The following ZYX variants were observed in gnomAD, a reference collection of about 807,000 sequenced individuals.
ZYX encodes the protein zyxin.
Under a neutral mutation model 58.1 loss-of-function variants are expected in ZYX, and 37 were observed. The observed-to-expected ratio is 0.64, with a 90% CI of 0.49 to 0.84. The LOEUF is 0.84. Among genes scored for constraint, ZYX ranks in the 40% least tolerant of loss-of-function variants. ZYX has a pLI of 0.00. For missense variants in ZYX, 762 were observed against 761.6 expected (o/e 1.00, Z -0.01); for synonymous variants, 324 against 321.1 (o/e 1.01, Z -0.10).
chr7:143,388,618 A>T lies in ZYX; in HGVS notation c.1274A>T (p.Tyr425Phe), dbSNP rs1464744146. 1 of 1,613,332 alleles carries T rather than the reference A, an allele frequency of 6.2e-7. No individual in the cohort carries two copies. The change falls in exon 7 of 10, where the codon TAC (tyrosine) becomes TTC (phenylalanine). Residue 425 changes from tyrosine to phenylalanine, a missense_variant. Coordinates refer to ENST00000322764, the MANE Select transcript of ZYX (RefSeq NM_003461.5). The surrounding 1 kb of genome is among the most constrained non-coding windows in gnomAD (Gnocchi z 7.5). Reference sequence around the variant, plus strand: ...CAGCAGCTCCAGGGCCAGCAGTTCTACAGTCTGGAGGGGGCGCCGTACTGC... The same window carrying T: ...CAGCAGCTCCAGGGCCAGCAGTTCTTCAGTCTGGAGGGGGCGCCGTACTGC... ...CAQQLQGQQF[Y>F]SLEGAPYCEG...
rs1469200729 is a variant in ZYX, at chr7:143,384,591, TG to T, written c.1023+1272del. On this transcript the variant is annotated intron_variant, in intron 5 of 9. Coordinates refer to ENST00000322764, the MANE Select transcript of ZYX (RefSeq NM_003461.5). The surrounding 1 kb of genome is among the most constrained non-coding windows in gnomAD (Gnocchi z 4.9). ...ATGTGTATTCGAGGGAGGTCAGTGA[TG>T]GGTGTGAATTCACTCTTGGGCAATA... is the stretch of plus-strand genomic sequence containing the variant. 6.6e-6 allele frequency among the ~76,000 whole-genome samples: 1 copy of T among 152,080 alleles called. No homozygotes were observed. Among genetic ancestry groups the T allele is most frequent in the Non-Finnish European group, 1.5e-5 (1 of 68,024 alleles).
At position 143,390,624 on chromosome 7, in the gene ZYX, T is replaced by A. The variant is rs1196092871; in HGVS notation, c.1661T>A (p.Phe554Tyr). 6.3e-7 allele frequency: 1 copy of A among 1,586,064 alleles called. No homozygotes were observed. Among genetic ancestry groups the A allele is most frequent in the Non-Finnish European group, 8.6e-7 (1 of 1,166,100 alleles). ...LSIEADDNGC[F>Y]PLDGHVLCRK... ...ATTGAGGCAGATGACAATGGCTGCT[T>A]CCCCCTGGACGGTCACGTGCTCTGT... The change falls in exon 10 of 10, where the codon TTC becomes TAC. Residue 554 changes from phenylalanine to tyrosine, a missense_variant. Physicochemically the swap from Phe to Tyr is conservative, Grantham distance 22 (BLOSUM62 3). Coordinates refer to ENST00000322764, the MANE Select transcript of ZYX (RefSeq NM_003461.5). This position sits in a 1 kb window ranked among gnomAD's most constrained non-coding sequence, Gnocchi z 4.3.
At position 143,387,630 on chromosome 7, in the gene ZYX, C is replaced by G. The variant is rs1225047093; in HGVS notation, c.1024-589C>G. Reference sequence around the variant, plus strand: ...TTCTCTGAGGCTGCTGGGGAGGGACCTGAGTGAGGTAGTTCAGAGGCCCCT... The same window carrying G: ...TTCTCTGAGGCTGCTGGGGAGGGACGTGAGTGAGGTAGTTCAGAGGCCCCT... On this transcript the variant is annotated intron_variant, in intron 5 of 9. Transcript: ENST00000322764. This position sits in a 1 kb window ranked among gnomAD's most constrained non-coding sequence, Gnocchi z 5.8. 2 of 459,198 alleles carry G rather than the reference C, an allele frequency of 4.4e-6. No individual in the cohort carries two copies. Among genetic ancestry groups the G allele is most frequent in the Non-Finnish European group, 9.1e-6 (2 of 219,808 alleles). The allele number at this position is 459,198 out of a possible 1,614,324, so 28.4% of individuals were successfully genotyped here.
Position 143,382,668 on chromosome 7 carries a change from G to A in ZYX, c.484G>A (p.Asp162Asn), listed in dbSNP as rs777343615. Residue 162 changes from aspartate (D) to asparagine (N), a missense_variant, in exon 4 of 10, where the codon GAT (aspartate) becomes AAT (asparagine). Physicochemically the swap from Asp to Asn is conservative, Grantham distance 23. Transcript: ENST00000322764. ...ACTGCTGGATGACATGACCAAGAATGATCCTTTCAAAGCCCGGGTAAGGGA... is the reference window on the plus strand; with the variant it reads ...ACTGCTGGATGACATGACCAAGAATAATCCTTTCAAAGCCCGGGTAAGGGA... ...SSLLDDMTKN[D>N]PFKARVSSGY... 6.2e-7 allele frequency: 1 copy of A among 1,614,120 alleles called. No homozygotes were observed. Among genetic ancestry groups the A allele is most frequent in the African/African-American group, 1.3e-5 (1 of 75,010 alleles).
rs890116209 is a variant in ZYX at position 143,388,373 on chromosome 7, C to T, written c.1144+34C>T. 1.2e-6 allele frequency: 2 copies of T among 1,612,224 alleles called. No homozygotes were observed. Among genetic ancestry groups the T allele is most frequent in the Admixed American group, 3.3e-5 (2 of 59,862 alleles). On this transcript the variant is annotated intron_variant, in intron 6 of 9. Coordinates refer to ENST00000322764, the MANE Select transcript of ZYX (RefSeq NM_003461.5). This position sits in a 1 kb window ranked among gnomAD's most constrained non-coding sequence, Gnocchi z 7.5. ...ACCCCACCGGGACACCCCCACCCTG[C>T]CCCCACATCACGGTGGGGGCCAGGG...
rs1300766929 is a variant in ZYX at position 143,388,682 on chromosome 7, T to G, written c.1314+24T>G. 6.2e-7 allele frequency: 1 copy of G among 1,611,446 alleles called. No individual in the cohort carries two copies. Among genetic ancestry groups the G allele is most frequent in the Admixed American group, 1.7e-5 (1 of 59,900 alleles). On this transcript the variant is annotated intron_variant, in intron 7 of 9. Transcript: ENST00000322764. The surrounding 1 kb of genome is among the most constrained non-coding windows in gnomAD (Gnocchi z 7.5). ...CTGTGAGTCGGGCTGTGCTGGGCTG[T>G]GCTGGGCTGTGCTGGGCAGTCGGGC...
In ZYX at chr7:143,390,835, C is replaced by A; in HGVS notation, c.*153C>A. On this transcript the variant is annotated 3_prime_UTR_variant, in exon 10 of 10. Coordinates refer to ENST00000322764, the MANE Select transcript of ZYX (RefSeq NM_003461.5). This position sits in a 1 kb window ranked among gnomAD's most constrained non-coding sequence, Gnocchi z 4.3. ...ATCCCAGGTGCCCTGACCCAGGACC[C>A]AACATGGTCTAGGGATGCAGGATCC... 1.5e-6 allele frequency: 1 copy of A among 646,890 alleles called. No homozygotes were observed. Among genetic ancestry groups the A allele is most frequent in the Non-Finnish European group, 2.8e-6 (1 of 360,474 alleles). 40.1% of individuals were successfully genotyped at this position (646,890 alleles called of 1,614,324 possible).
rs776123324 is a variant in ZYX at position 143,383,061 on chromosome 7, G to T, written c.762G>T (p.Gly254=). ...CTTTGGCTAACACCCAGCCCCGAGG[G>T]CCCCCAGCCTCATCTCCGGCTCCAG... is the stretch of plus-strand genomic sequence containing the variant. ...PVSLANTQPR[G]PPASSPAPAP... Residue 254 remains glycine (G), a synonymous_variant, in exon 5 of 10, where the codon GGG becomes GGT. Coordinates refer to ENST00000322764, the MANE Select transcript of ZYX (RefSeq NM_003461.5). 1 of 1,614,118 alleles carries T rather than the reference G, an allele frequency of 6.2e-7. No homozygotes were observed. The highest frequency in any genetic ancestry group is 8.5e-7 in the Non-Finnish European group (1 of 1,180,014).
At position 143,383,242 on chromosome 7, in the gene ZYX, A is replaced by G; in HGVS notation, c.943A>G (p.Thr315Ala). The change falls in exon 5 of 10, where the codon ACC (threonine) becomes GCC (alanine). Residue 315 changes from threonine to alanine, a missense_variant. Physicochemically the swap from Thr to Ala is moderately conservative, Grantham distance 58. Transcript: ENST00000322764. ...AGGCTCCCCTCAACCTCCCAGCTTC[A>G]CCTATGCCCAGCAGAGGGAGAAGCC... The part of the protein sequence containing the change: ...GTGSPQPPSF[T>A]YAQQREKPRV... 1 of 1,613,900 alleles carries G rather than the reference A, an allele frequency of 6.2e-7. No homozygotes were observed. Among genetic ancestry groups the G allele is most frequent in the Admixed American group, 1.7e-5 (1 of 60,008 alleles).
At chr7:143,382,170 G>A (rs773998126) in intron 2 of ZYX, 78 bp from the exon 3 acceptor site, 2 of 1,244,036 alleles carry the variant, frequency 1.6e-6, no homozygotes, top group African/African-American at 1.5e-5. Flanking sequence ...TGGGTTAGGG[G>A]TTAGAGCGGT....
Position 143,383,114 on chromosome 7 carries a change from A to T in ZYX, c.815A>T (p.Lys272Met). ...PAPKFSPVTP[K>M]FTPVASKFSP... ...CCTAAGTTTTCTCCAGTGACTCCTA[A>T]GTTTACTCCTGTGGCTTCCAAGTTC... Residue 272 changes from lysine to methionine, a missense_variant, in exon 5 of 10, where the codon AAG (lysine) becomes ATG (methionine). Transcript: ENST00000322764. The T allele has an allele frequency of 6.2e-7, 1 of 1,614,132 alleles. No individual in the cohort carries two copies. The highest frequency in any genetic ancestry group is 8.5e-7 in the Non-Finnish European group (1 of 1,180,026).
rs1275189743 is a variant in ZYX at position 143,383,296 on chromosome 7, C to T, written c.997C>T (p.Pro333Ser). 1 of 1,609,344 alleles carries T rather than the reference C, an allele frequency of 6.2e-7. No homozygotes were observed. Among genetic ancestry groups the T allele is most frequent in the Non-Finnish European group, 8.5e-7 (1 of 1,178,212 alleles). Residue 333 changes from proline to serine, a missense_variant, in exon 5 of 10, where the codon CCC (proline) becomes TCC (serine). Pro to Ser is a moderately conservative substitution (Grantham distance 74). Coordinates refer to ENST00000322764, the MANE Select transcript of ZYX (RefSeq NM_003461.5). ...AGTGCAGGAGAAGCAGCACCCCGTGCCCCCACCGGCTCAGAACCAAAACCA... is the reference window on the plus strand; with the variant it reads ...AGTGCAGGAGAAGCAGCACCCCGTGTCCCCACCGGCTCAGAACCAAAACCA... ...PRVQEKQHPV[P>S]PPAQNQNQVR...
Position 143,388,331 on chromosome 7 carries a change from C to G in ZYX, c.1136C>G (p.Ala379Gly), listed in dbSNP as rs1368420978. 2.5e-6 allele frequency: 4 copies of G among 1,613,684 alleles called. No individual in the cohort carries two copies. In the Admixed American group the frequency reaches 6.7e-5, roughly 27 times the overall value. Residue 379 changes from alanine (A) to glycine (G), a missense_variant, in exon 6 of 10, where the codon GCT (alanine) becomes GGT (glycine). Physicochemically the swap from Ala to Gly is moderately conservative, Grantham distance 60. Transcript: ENST00000322764. This position sits in a 1 kb window ranked among gnomAD's most constrained non-coding sequence, Gnocchi z 7.5. ...DMEHPQRQNVAVNELCGRCHQ... is the reference protein window; with the variant it reads ...DMEHPQRQNVGVNELCGRCHQ... ...GAGCATCCTCAGAGGCAGAATGTGGCTGTCAACGGTGAGCCCACCCCACCG... is the reference window on the plus strand; with the variant it reads ...GAGCATCCTCAGAGGCAGAATGTGGGTGTCAACGGTGAGCCCACCCCACCG...
chr7:143,384,040 A>G lies in ZYX; in HGVS notation c.1023+718A>G, dbSNP rs181176022. The G allele has an allele frequency of 8.6e-4, 340 of 394,374 alleles. 5 individuals carry two copies. Among genetic ancestry groups the G allele is most frequent in the African/African-American group, 6.6e-3 (318 of 48,126 alleles). The allele number at this position is 394,374 out of a possible 1,614,324, so 24.4% of individuals were successfully genotyped here. A position where few individuals can be genotyped will look rare whatever the true frequency, so the allele number is the denominator to read the frequency against. On this transcript the variant is annotated intron_variant, in intron 5 of 9. Transcript: ENST00000322764. This position sits in a 1 kb window ranked among gnomAD's most constrained non-coding sequence, Gnocchi z 4.9. The stretch of plus-strand genomic sequence containing the variant: ...TGTTGGGTTCTGTATCTAGTACAGG[A>G]ATGCTCAAAATAGAAAAGCTGTAAT...
At position 143,381,550 on chromosome 7, in the gene ZYX, A is replaced by G; in HGVS notation, c.-15-7A>G. ...TCCGCGCTGCGTAACCCGGCGACCC[A>G]CCCCAGCAGCCCGGCCCGGCCATGG... On this transcript the variant is annotated splice_region_variant and splice_polypyrimidine_tract_variant and intron_variant, in intron 1 of 9. Transcript: ENST00000322764. The G allele has an allele frequency of 6.2e-7, 1 of 1,603,942 alleles. No individual in the cohort carries two copies. The highest frequency in any genetic ancestry group is 8.5e-7 in the Non-Finnish European group (1 of 1,175,704).
At position 143,390,808 on chromosome 7, in the gene ZYX, G is replaced by A. The variant is rs542075031; in HGVS notation, c.*126G>A. ...CCCTCCCATTTCCAACCCCTCCCTA[G>A]CATCCCAGGTGCCCTGACCCAGGAC... On this transcript the variant is annotated 3_prime_UTR_variant, in exon 10 of 10. Coordinates refer to ENST00000322764, the MANE Select transcript of ZYX (RefSeq NM_003461.5). The surrounding 1 kb of genome is among the most constrained non-coding windows in gnomAD (Gnocchi z 4.3). 15 of 739,778 alleles carry A rather than the reference G, an allele frequency of 2.0e-5. No individual in the cohort carries two copies. The East Asian group carries it at 3.8e-4, about 19-fold the overall frequency. 45.8% of individuals were successfully genotyped at this position (739,778 alleles called of 1,614,324 possible).
At chr7:143,386,204 G>A (rs367919880) in intron 5 of ZYX, among the ~76,000 whole-genome samples, 24 of 152,148 alleles carry the variant, frequency 1.6e-4, no homozygotes, top group African/African-American at 5.8e-4. Context: ...GCAGGTGATG[G>A]AGGGTGAGTG....
chr7:143,382,207 T>C (rs769737979), intron 2 of ZYX, 41 bp from the exon 3 acceptor site: 3 of 1,555,890 alleles, frequency 1.9e-6, no homozygotes, highest in Admixed American at 3.4e-5. Flanking sequence ...GGGTGAGGGG[T>C]AGAGGGACCC....
Position 143,383,060 on chromosome 7 carries a change from G to A in ZYX, c.761G>A (p.Gly254Glu). 1 of 1,614,112 alleles carries A rather than the reference G, an allele frequency of 6.2e-7. No homozygotes were observed. The highest frequency in any genetic ancestry group is 8.5e-7 in the Non-Finnish European group (1 of 1,180,020). ...TCTTTGGCTAACACCCAGCCCCGAG[G>A]GCCCCCAGCCTCATCTCCGGCTCCA... ...PVSLANTQPR[G>E]PPASSPAPAP... is the part of the protein sequence containing the mutation. The change falls in exon 5 of 10, where the codon GGG (glycine) becomes GAG (glutamate). Residue 254 changes from glycine to glutamate, a missense_variant. Transcript: ENST00000322764.
Sources: allele counts gnomAD v4.1 joint callset (sites outside exome capture counted in the v4.1 genomes callset), GRCh38; gene constraint gnomAD v4.1.1; non-coding constraint Gnocchi (gnomAD v3.1); transcripts MANE v1.5; gene names NCBI Gene and HGNC (gene_info 2026-07-23, HGNC 2026-07-21).